Variants in CCDC146 observed in about 807,000 individuals in gnomAD.
CCDC146 encodes coiled-coil domain containing 146.
CCDC146 carries 92 observed loss-of-function variants against 119.3 expected under a neutral mutation model. The observed-to-expected ratio is 0.77, with a 90% CI of 0.65 to 0.92. The LOEUF is 0.92. Ranked by LOEUF, CCDC146 falls within the 40% of genes least tolerant of loss-of-function variation. CCDC146 has a pLI of 0.00. For missense variants in CCDC146, 1,000 were observed against 1,103.0 expected, an observed-to-expected ratio of 0.91 and a Z score of 1.32; for synonymous variants, 372 against 371.8, an observed-to-expected ratio of 1.00 and a Z score of -0.01.
At chr7:77,197,458 A>G (rs1268316816) in intron 2 of CCDC146, among the ~76,000 whole-genome samples, 1 of 152,224 alleles carries the variant, frequency 6.6e-6, no homozygotes, top group Non-Finnish European at 1.5e-5. Context: ...GAGCCAGGAC[A>G]CTAACTCAGA....
rs376169671 is a variant in CCDC146, at chr7:77,196,717, C to T, written c.156+28893C>T. 2.0e-4 allele frequency: 325 copies of T among 1,614,210 alleles called. No homozygotes were observed. Among genetic ancestry groups the T allele is most frequent in the South Asian group, 1.3e-3 (115 of 91,082 alleles). ...CTATTCTCAGAATCATTTCCTTACT[C>T]TTGGTCAGAAGATGAATTTTATCGT... On this transcript the variant is annotated intron_variant, in intron 2 of 18. Coordinates refer to ENST00000285871, the MANE Select transcript of CCDC146 (RefSeq NM_020879.3). This position sits in a 1 kb window ranked among gnomAD's most constrained non-coding sequence, Gnocchi z 4.2.
intron 2 of CCDC146, among the ~76,000 whole-genome samples, chr7:77,231,388 A>G (rs765890448): frequency 1.7e-4 from 26 of 152,208 alleles, no homozygotes; most frequent in Non-Finnish European, 2.8e-4. Flanking sequence ...ATCTACAGTA[A>G]GAACAAATCT....
At chr7:77,233,388 G>A (rs1289997211) in intron 2 of CCDC146, among the ~76,000 whole-genome samples, 3 of 152,080 alleles carry the variant, frequency 2.0e-5, no homozygotes, top group East Asian at 1.9e-4. Flanking sequence ...CACAGTGCCC[G>A]GCCAAATCAA....
At chr7:77,177,893 A>G (rs1791524114) in intron 2 of CCDC146, among the ~76,000 whole-genome samples, 1 of 152,210 alleles carries the variant, frequency 6.6e-6, no homozygotes, top group Non-Finnish European at 1.5e-5. Context: ...ATTGAACAGT[A>G]CAGATAGGTT....
At chr7:77,203,039 C>G (rs923188726) in intron 2 of CCDC146, among the ~76,000 whole-genome samples, 47 of 141,032 alleles carry the variant, frequency 3.3e-4, no homozygotes, top group African/African-American at 1.1e-3. Context: ...TTGCCCCCCC[C>G]CCCCCCAGGA....
At chr7:77,206,208 G>T (rs540194240) in intron 2 of CCDC146, among the ~76,000 whole-genome samples, 1 of 152,192 alleles carries the variant, frequency 6.6e-6, no homozygotes, top group African/African-American at 2.4e-5. Context: ...AAAATCCAGG[G>T]CTTTAAATTC....
At position 77,282,576 on chromosome 7, in the gene CCDC146, C is replaced by G; in HGVS notation, c.1939C>G (p.Arg647Gly). 6.2e-7 allele frequency: 1 copy of G among 1,606,926 alleles called. No homozygotes were observed. The highest frequency in any genetic ancestry group is 1.1e-5 in the South Asian group (1 of 89,902). ...RNESGVQLIE[R>G]EEEICIFYEK... ...CCATAGTGGCGTTCAGCTGATAGAG[C>G]GGGAAGAAGAAATATGCATTTTTTA... is the stretch of plus-strand genomic sequence containing the variant. The change falls in exon 15 of 19, where the codon CGG becomes GGG. Residue 647 changes from arginine to glycine, a missense_variant. Coordinates refer to ENST00000285871, the MANE Select transcript of CCDC146 (RefSeq NM_020879.3).
At chr7:77,199,871 C>A (rs1241641077) in intron 2 of CCDC146, 1 of 1,504,506 alleles carries the variant, frequency 6.6e-7, no homozygotes, top group Non-Finnish European at 8.9e-7. Flanking sequence ...CTGAGTCAGG[C>A]TTTCTGTGTT....
intron 17 of CCDC146, among the ~76,000 whole-genome samples, chr7:77,288,754 T>C (rs55953411): frequency 0.16 from 24,182 of 152,102 alleles, 3,295 homozygotes; most frequent in African/African-American, 0.36. Flanking sequence ...TAGGGTCTAG[T>C]AGGGGGAGAC....
chr7:77,294,810 C>G lies in CCDC146; in HGVS notation c.2812C>G (p.Pro938Ala). 1 of 1,614,122 alleles carries G rather than the reference C, an allele frequency of 6.2e-7. No homozygotes were observed. The highest frequency in any genetic ancestry group is 8.5e-7 in the Non-Finnish European group (1 of 1,180,036). The change falls in exon 19 of 19, where the codon CCT becomes GCT. Residue 938 changes from proline to alanine, a missense_variant. By Grantham distance (27) the Pro-to-Ala change is conservative (BLOSUM62 -1). This residue lies in a region of CCDC146 where 985 missense variants were observed against 1,045.3 expected (regional missense o/e 0.94). Transcript: ENST00000285871. ...GALAPFKPSE[P>A]GANMRHIRKP... is the part of the protein sequence containing the mutation. Reference sequence around the variant, plus strand: ...TTTGGCTCCTTTTAAACCCAGTGAACCTGGAGCCAATATGAGGCACATAAG... The same window carrying G: ...TTTGGCTCCTTTTAAACCCAGTGAAGCTGGAGCCAATATGAGGCACATAAG...
intron 16 of CCDC146, 192 bp downstream of exon 16, chr7:77,287,118 C>A (rs1031019884): frequency 7.1e-6 from 5 of 703,506 alleles, no homozygotes; most frequent in Non-Finnish European, 9.3e-6. Flanking sequence ...AAGTTCCAAT[C>A]CAGTGGTTTC....
At position 77,273,727 on chromosome 7, in the gene CCDC146, T is replaced by G. The variant is rs555459961; in HGVS notation, c.1207T>G (p.Ser403Ala). Residue 403 changes from serine (S) to alanine (A), a missense_variant, in exon 10 of 19, where the codon TCT (serine) becomes GCT (alanine). Ser to Ala is a moderately conservative substitution (Grantham distance 99). Around this residue, in one of 2 missense-constraint regions of CCDC146, gnomAD observed 985 missense variants for 1,045.3 expected, o/e 0.94. Transcript: ENST00000285871. ...TATCCCCAAAGATGATTCTACATTA[T>G]CTGAGAGAAGGCGAGAGCTTCACAA... is the stretch of plus-strand genomic sequence containing the variant. ...EAIPKDDSTLSERRRELHKEV... is the reference protein window; with the variant it reads ...EAIPKDDSTLAERRRELHKEV... 7 of 1,610,720 alleles carry G rather than the reference T, an allele frequency of 4.3e-6. No homozygotes were observed. The South Asian group carries it at 5.5e-5, about 13-fold the overall frequency.
In CCDC146 at chr7:77,278,435, AT is replaced by A. The variant is rs140968354; in HGVS notation, c.1441-292del. Among the ~76,000 whole-genome samples the A allele has an allele frequency of 7.2e-3, 746 of 103,058 alleles. 3 individuals carry two copies. Among genetic ancestry groups the A allele is most frequent in the East Asian group, 9.3e-3 (30 of 3,230 alleles). The allele number at this position is 103,058 out of a possible 152,430, so 67.6% of individuals were successfully genotyped here. ...GTACAACCCAGCAAGCCAAGAAATAATTTTTTTTTTTTTTTTTTTTTTTTTG... is the reference window on the plus strand; with the variant it reads ...GTACAACCCAGCAAGCCAAGAAATAATTTTTTTTTTTTTTTTTTTTTTTTG... On this transcript the variant is annotated intron_variant, in intron 11 of 18. Coordinates refer to ENST00000285871, the MANE Select transcript of CCDC146 (RefSeq NM_020879.3).
chr7:77,176,255 A>G (rs1295658872), intron 2 of CCDC146, among the ~76,000 whole-genome samples: 1 of 151,090 alleles, frequency 6.6e-6, no homozygotes, highest in African/African-American at 2.5e-5. Flanking sequence ...TATCTCTTGA[A>G]TTTGTGTTTT....
chr7:77,199,551 T>G, intron 2 of CCDC146: 1 of 1,614,162 alleles, frequency 6.2e-7, no homozygotes, highest in South Asian at 1.1e-5. Context: ...GGTTTTGGAC[T>G]TCTTTGAACA....
chr7:77,242,431 G>C, intron 4 of CCDC146: 2 of 976,128 alleles, frequency 2.0e-6, no homozygotes, highest in Non-Finnish European at 2.4e-6. Context: ...AGGAGAAAAG[G>C]TATATCCTTT....
chr7:77,287,490 C>A lies in CCDC146; in HGVS notation c.2328C>A (p.Phe776Leu). 6.2e-7 allele frequency: 1 copy of A among 1,614,072 alleles called. No individual in the cohort carries two copies. The highest frequency in any genetic ancestry group is 2.2e-5 in the East Asian group (1 of 44,886). The change falls in exon 17 of 19, where the codon TTC (phenylalanine) becomes TTA (leucine). Residue 776 changes from phenylalanine (F) to leucine (L), a missense_variant. This residue lies in a region of CCDC146 where 985 missense variants were observed against 1,045.3 expected (regional missense o/e 0.94). Transcript: ENST00000285871. ...KKEEKLLEKD[F>L]IYEQVSRLTD... ...AGGAGAAGCTGCTGGAGAAGGATTT[C>A]ATCTATGAGCAGGTCTCCAGGCTCA...
At chr7:77,253,313 A>T (rs962390171) in intron 4 of CCDC146, among the ~76,000 whole-genome samples, 1 of 152,200 alleles carries the variant, frequency 6.6e-6, no homozygotes, top group Non-Finnish European at 1.5e-5. Context: ...TGGCTCTAGC[A>T]TTCGTTATAC....
At chr7:77,147,518 GT>G (rs753814012) in intron 1 of CCDC146, among the ~76,000 whole-genome samples, 42 of 152,286 alleles carry the variant, frequency 2.8e-4, no homozygotes, top group African/African-American at 9.4e-4. Flanking sequence ...TTTCTGCTCT[GT>G]TTTTTCCCTG....
Sources: allele counts gnomAD v4.1 joint callset (sites outside exome capture counted in the v4.1 genomes callset), GRCh38; gene constraint gnomAD v4.1.1; regional missense constraint gnomAD v4.1.1; non-coding constraint Gnocchi (gnomAD v3.1); transcripts MANE v1.5; gene names NCBI Gene and HGNC (gene_info 2026-07-23, HGNC 2026-07-21).